GRAMD1C: variants seen among roughly 807,000 people sequenced by gnomAD.
The protein encoded by GRAMD1C is GRAM domain containing 1C.
Under a neutral mutation model 97.8 loss-of-function variants are expected in GRAMD1C, and 89 were observed. That is an observed-to-expected ratio of 0.91 (90% CI 0.77 to 1.09). The LOEUF (loss-of-function observed/expected upper bound fraction) is 1.09. Ranked by LOEUF, GRAMD1C falls within the 50% of genes least tolerant of loss-of-function variation. The pLI is 0.00. For missense variants in GRAMD1C, 740 were observed against 766.4 expected (o/e 0.97, Z 0.41); for synonymous variants, 256 against 267.0 (o/e 0.96, Z 0.40).
intron 6 of GRAMD1C, chr3:113,897,541 C>T (rs1935990998): frequency 2.0e-6 from 2 of 983,760 alleles, no homozygotes; most frequent in Admixed American, 6.2e-5. Context: ...GTACTACAAC[C>T]AGGAAGTGAC....
At chr3:113,875,633 A>T (rs759727229) in intron 4 of GRAMD1C, 46 bp downstream of exon 4, 12 of 829,898 alleles carry the variant, frequency 1.4e-5, no homozygotes, top group Non-Finnish European at 2.5e-5. Context: ...AATTGCATAG[A>T]GATATATACA....
rs927286081 is a variant in GRAMD1C at position 113,874,261 on chromosome 3, T to C, written c.260-1223T>C. Among the ~76,000 whole-genome samples, 14 of 152,324 alleles carry C rather than the reference T, an allele frequency of 9.2e-5. 1 individual carries two copies. In the East Asian group the frequency reaches 2.7e-3, roughly 29 times the overall value. On this transcript the variant is annotated intron_variant, in intron 3 of 17. Transcript: ENST00000358160. ...AATAATTTAGCAGTACAGTTTACAT[T>C]CTCCACAGAGCCAGATCTTAACCTT...
rs1410249311 is a variant in GRAMD1C, at chr3:113,849,927, C to T, written c.174+5278C>T. ...GCGGCTGGCCAGGCGGGGGGGCTGA[C>T]CCCCCCACCTCCCTCCCGGACGGGG... On this transcript the variant is annotated intron_variant, in intron 2 of 17. Coordinates refer to ENST00000358160, the MANE Select transcript of GRAMD1C (RefSeq NM_017577.5). 1.4e-4 allele frequency among the ~76,000 whole-genome samples: 11 copies of T among 77,864 alleles called. No individual in the cohort carries two copies. The East Asian group carries it at 1.8e-3, about 13-fold the overall frequency. 51.1% of individuals were successfully genotyped at this position (77,864 alleles called of 152,430 possible). A position where few individuals can be genotyped will look rare whatever the true frequency, so the allele number is the denominator to read the frequency against.
chr3:113,833,692 C>T (rs1709593352), intron 1 of GRAMD1C, among the ~76,000 whole-genome samples: 1 of 152,114 alleles, frequency 6.6e-6, no homozygotes, highest in Admixed American at 6.5e-5. Flanking sequence ...GGGATGGTAC[C>T]AGGGTAAGTT....
intron 1 of GRAMD1C, among the ~76,000 whole-genome samples, chr3:113,830,653 G>A (rs1047164501): frequency 2.0e-5 from 3 of 152,204 alleles, no homozygotes; most frequent in Non-Finnish European, 4.4e-5. Context: ...CATAGAAAAA[G>A]TACAGTAAAA....
At chr3:113,850,009 C>A (rs1217076092) in intron 2 of GRAMD1C, among the ~76,000 whole-genome samples, 6 of 126,216 alleles carry the variant, frequency 4.8e-5, no homozygotes, top group Non-Finnish European at 1.0e-4. Flanking sequence ...GGGTGGCTGG[C>A]CGGGCGGGGG....
intron 6 of GRAMD1C, among the ~76,000 whole-genome samples, chr3:113,893,639 T>C (rs1404878861): frequency 1.3e-5 from 2 of 152,226 alleles, no homozygotes; most frequent in Non-Finnish European, 2.9e-5. Flanking sequence ...ACAAGTTCAG[T>C]CTTTACCACA....
chr3:113,931,785 G>A (rs903215842), intron 11 of GRAMD1C, among the ~76,000 whole-genome samples: 1 of 152,006 alleles, frequency 6.6e-6, no homozygotes, highest in African/African-American at 2.4e-5. Context: ...AATTAACCAG[G>A]CATGATGGTG....
chr3:113,841,702 G>C (rs1395885731), intron 1 of GRAMD1C, among the ~76,000 whole-genome samples: 1 of 151,762 alleles, frequency 6.6e-6, no homozygotes, highest in Non-Finnish European at 1.5e-5. Flanking sequence ...GGGTCTCACT[G>C]TTTTGTTTAT....
intron 8 of GRAMD1C, among the ~76,000 whole-genome samples, chr3:113,906,718 G>A (rs907053443): frequency 3.9e-5 from 6 of 152,094 alleles, no homozygotes; most frequent in Non-Finnish European, 5.9e-5. Context: ...GTAGTGTTCA[G>A]TAATGTCCCA....
intron 6 of GRAMD1C, among the ~76,000 whole-genome samples, chr3:113,895,089 G>C (rs1180641641): frequency 6.6e-6 from 1 of 152,164 alleles, no homozygotes; most frequent in Non-Finnish European, 1.5e-5. Flanking sequence ...TGCAGAGGCA[G>C]ACTTTGATCA....
At chr3:113,899,229 T>C (rs1378483585) in intron 6 of GRAMD1C, among the ~76,000 whole-genome samples, 1 of 152,200 alleles carries the variant, frequency 6.6e-6, no homozygotes, top group East Asian at 1.9e-4. Flanking sequence ...TCTGTATTTT[T>C]AGTTGGTTTC....
Position 113,900,914 on chromosome 3 carries a change from C to G in GRAMD1C, c.541-117C>G, listed in dbSNP as rs527933772. ...AGAAAGGTCAAATAACTACCAAAGC[C>G]CCATATCTAGTCTTTGCACAACAGG... On this transcript the variant is annotated intron_variant, in intron 6 of 17. Coordinates refer to ENST00000358160, the MANE Select transcript of GRAMD1C (RefSeq NM_017577.5). The G allele has an allele frequency of 5.4e-6, 3 of 555,118 alleles. No individual in the cohort carries two copies. The South Asian group carries it at 7.6e-5, about 14-fold the overall frequency. 34.4% of individuals were successfully genotyped at this position (555,118 alleles called of 1,614,324 possible).
chr3:113,839,098 T>A (rs771813677), intron 1 of GRAMD1C, among the ~76,000 whole-genome samples, 162 bp downstream of exon 1: 4 of 152,172 alleles, frequency 2.6e-5, no homozygotes, highest in Non-Finnish European at 5.9e-5. Flanking sequence ...GGAAACGGTT[T>A]CCTGTGCCTC....
At chr3:113,933,379 T>C in intron 11 of GRAMD1C, 132 bp from the exon 12 acceptor site, 1 of 608,278 alleles carries the variant, frequency 1.6e-6, no homozygotes, top group Non-Finnish European at 2.8e-6. Context: ...TAGGCTCTTT[T>C]AGCTTTGTAT....
At chr3:113,893,091 A>G (rs1196401757) in intron 6 of GRAMD1C, among the ~76,000 whole-genome samples, 1 of 152,168 alleles carries the variant, frequency 6.6e-6, no homozygotes, top group Non-Finnish European at 1.5e-5. Flanking sequence ...CTTTCACACT[A>G]CAACAGCAGA....
chr3:113,907,028 A>C (rs1936396399), intron 8 of GRAMD1C, among the ~76,000 whole-genome samples: 1 of 152,124 alleles, frequency 6.6e-6, no homozygotes. Context: ...TGTTAAGTAC[A>C]CTCTATGACG....
At chr3:113,890,626 ACTTGTTG>A (rs1935684301) in intron 6 of GRAMD1C, 4 of 608,312 alleles carry the variant, frequency 6.6e-6, no homozygotes, top group Non-Finnish European at 1.2e-5. Context: ...CCAAATACTA[ACTTGTTG>A]AGTGCTCAGA....
chr3:113,874,976 G>T (rs1934969811), intron 3 of GRAMD1C, among the ~76,000 whole-genome samples: 2 of 152,144 alleles, frequency 1.3e-5, no homozygotes, highest in African/African-American at 2.4e-5. Context: ...GTCTACCATG[G>T]CTTGTGAGAC....
Sources: allele counts gnomAD v4.1 joint callset (sites outside exome capture counted in the v4.1 genomes callset), GRCh38; gene constraint gnomAD v4.1.1; transcripts MANE v1.5; gene names NCBI Gene and HGNC (gene_info 2026-07-23, HGNC 2026-07-21).